Variants in GRM7 observed in about 807,000 individuals in gnomAD.
GRM7 encodes metabotropic glutamate receptor 7.
In GRM7, 35 loss-of-function variants were observed where a neutral mutation model predicts 84.5. The ratio of observed to expected loss-of-function variants is 0.41; its 90% confidence interval spans 0.32 to 0.55. GRM7 has a LOEUF of 0.55. Ranked by LOEUF, GRM7 falls within the 20% of genes least tolerant of loss-of-function variation. The probability of loss-of-function intolerance (pLI) is 0.19; values close to 1 mark genes in which losing one functional copy is unlikely to be tolerated. For synonymous variants in GRM7, 487 were observed against 455.1 expected, an observed-to-expected ratio of 1.07 and a Z score of -0.89; for missense variants, 1,003 against 1,194.6, an observed-to-expected ratio of 0.84 and a Z score of 2.36.
chr3:7,608,122 C>A, intron 8 of GRM7: 1 of 204,198 alleles, frequency 4.9e-6, no homozygotes, highest in Non-Finnish European at 1.1e-5. Context: ...TTTCTTTATC[C>A]ACTCTGTCAC....
intron 4 of GRM7, among the ~76,000 whole-genome samples, chr3:7,344,034 A>G (rs1165926286): frequency 6.6e-6 from 1 of 152,158 alleles, no homozygotes; most frequent in South Asian, 2.1e-4. Context: ...TCTGACTTGT[A>G]AAATTATTCA....
chr3:7,502,860 T>C (rs551781475), intron 7 of GRM7, among the ~76,000 whole-genome samples: 17 of 152,192 alleles, frequency 1.1e-4, no homozygotes, highest in Non-Finnish European at 2.2e-4. Context: ...ATTTTAATTC[T>C]AACGCAACCC....
rs3792437 is a variant in GRM7 at position 7,667,071 on chromosome 3, T to G, written c.2452-12978T>G. ...TGATAAACATCAGAGTTTGAAGTCA[T>G]CTGGGCAACACAGCAAGACTCTGTC... On this transcript the variant is annotated intron_variant, in intron 8 of 9. Transcript: ENST00000357716. 1.9e-3 allele frequency among the ~76,000 whole-genome samples: 288 copies of G among 152,040 alleles called. 7 individuals carry two copies. The East Asian group carries it at 0.05, about 26-fold the overall frequency.
intron 1 of GRM7, among the ~76,000 whole-genome samples, chr3:7,075,495 G>GGTGTGT (rs1559422641): frequency 1.0e-5 from 1 of 96,930 alleles, no homozygotes; most frequent in Non-Finnish European, 2.1e-5. Flanking sequence ...TTGCTTCTCA[G>GGTGTGT]ATGTGTGTGT....
intron 1 of GRM7, among the ~76,000 whole-genome samples, chr3:7,065,931 G>T (rs980545845): frequency 2.0e-5 from 3 of 151,726 alleles, no homozygotes; most frequent in African/African-American, 7.3e-5. Context: ...AATGAGCACT[G>T]GGTCAAAAAT....
At chr3:7,394,310 C>G (rs571409707) in intron 4 of GRM7, among the ~76,000 whole-genome samples, 2 of 152,166 alleles carry the variant, frequency 1.3e-5, no homozygotes, top group Non-Finnish European at 2.9e-5. Context: ...TTCTTCTGCT[C>G]GTTCACAAAG....
At chr3:7,561,192 T>A (rs1037636761) in intron 7 of GRM7, among the ~76,000 whole-genome samples, 1 of 152,132 alleles carries the variant, frequency 6.6e-6, no homozygotes, top group South Asian at 2.1e-4. Context: ...TGTTTCTGAA[T>A]GCGTTTTTGC....
intron 2 of GRM7, among the ~76,000 whole-genome samples, chr3:7,236,639 C>A: frequency 6.6e-6 from 1 of 152,184 alleles, no homozygotes; most frequent in East Asian, 1.9e-4. Context: ...CCCATAGCAA[C>A]AAGCTTAGGC....
rs924810056 is a variant in GRM7, at chr3:7,058,306, C to T, written c.520-88146C>T. Among the ~76,000 whole-genome samples, 13 of 151,942 alleles carry T rather than the reference C, an allele frequency of 8.6e-5. No homozygotes were observed. The South Asian group carries it at 1.7e-3, about 19-fold the overall frequency. ...AATATTTTTAATTCACATATTTATG[C>T]TCTATGTATTCAAAATTGAAAGTAT... On this transcript the variant is annotated intron_variant, in intron 1 of 9. Transcript: ENST00000357716.
At chr3:7,433,470 T>C (rs1055303911) in intron 5 of GRM7, among the ~76,000 whole-genome samples, 2 of 152,202 alleles carry the variant, frequency 1.3e-5, no homozygotes, top group African/African-American at 4.8e-5. Flanking sequence ...GAGTCTTCAG[T>C]AAGCTATCCT....
intron 1 of GRM7, among the ~76,000 whole-genome samples, chr3:6,893,558 T>C (rs1696053814): frequency 6.6e-6 from 1 of 152,294 alleles, no homozygotes; most frequent in East Asian, 1.9e-4. Flanking sequence ...CTTGTAAGTA[T>C]ATGCCATTAG....
At chr3:7,503,213 T>A (rs2124967409) in intron 7 of GRM7, among the ~76,000 whole-genome samples, 1 of 152,280 alleles carries the variant, frequency 6.6e-6, no homozygotes, top group African/African-American at 2.4e-5. Context: ...TTTCAAAATT[T>A]ATTGAAAATT....
At chr3:7,609,115 T>G (rs562215263) in intron 8 of GRM7, among the ~76,000 whole-genome samples, 29 of 152,308 alleles carry the variant, frequency 1.9e-4, no homozygotes, top group South Asian at 1.0e-3. Context: ...TTAGTTACTG[T>G]AGCATTTTAT....
chr3:6,906,363 G>A (rs1312885563), intron 1 of GRM7, among the ~76,000 whole-genome samples: 1 of 151,996 alleles, frequency 6.6e-6, no homozygotes, highest in African/African-American at 2.4e-5. Flanking sequence ...GTTGCAGGAG[G>A]GGGGATTATG....
chr3:6,946,407 C>G (rs1013995779), intron 1 of GRM7, among the ~76,000 whole-genome samples: 18 of 152,078 alleles, frequency 1.2e-4, no homozygotes, highest in African/African-American at 4.1e-4. Flanking sequence ...CTGTTATGTT[C>G]CATTGGTCTA....
chr3:7,179,402 C>T (rs1008640985), intron 2 of GRM7, among the ~76,000 whole-genome samples: 11 of 152,166 alleles, frequency 7.2e-5, no homozygotes, highest in East Asian at 5.8e-4. Context: ...GAACAACAGC[C>T]GGGATTTCTC....
At chr3:7,181,603 ATATT>A (rs1165394287) in intron 2 of GRM7, among the ~76,000 whole-genome samples, 1 of 151,840 alleles carries the variant, frequency 6.6e-6, no homozygotes, top group Non-Finnish European at 1.5e-5. Flanking sequence ...ATGATTTAAA[ATATT>A]TATTTATTTA....
At chr3:7,470,827 C>G (rs189676855) in intron 7 of GRM7, among the ~76,000 whole-genome samples, 1 of 152,070 alleles carries the variant, frequency 6.6e-6, no homozygotes, top group Admixed American at 6.6e-5. Flanking sequence ...AGAAAGTCAA[C>G]TAATGTACGA....
In GRM7 at chr3:7,702,291, G is replaced by C. The variant is rs112600612; in HGVS notation, c.2698+21996G>C. On this transcript the variant is annotated intron_variant, in intron 9 of 9. Transcript: ENST00000357716. The stretch of plus-strand genomic sequence containing the variant: ...TAGACTGTGGGTGTAGATTCAGTAA[G>C]TTGTGGAGACTCCACATTTTTCACA... Among the ~76,000 whole-genome samples the C allele has an allele frequency of 2.6e-4, 39 of 152,288 alleles. 1 individual carries two copies. The highest frequency in any genetic ancestry group is 8.9e-4 in the African/African-American group (37 of 41,556).
Sources: gnomAD v4.1 joint callset for allele counts (sites outside exome capture counted in the v4.1 genomes callset) on GRCh38, gnomAD v4.1.1 for gene constraint, MANE v1.5 for transcripts, NCBI Gene and HGNC (gene_info 2026-07-23, HGNC 2026-07-21) for gene names.